UST: variants seen among roughly 807,000 people sequenced by gnomAD.
The protein encoded by UST is uronyl 2-sulfotransferase.
Under a neutral mutation model 45.6 loss-of-function variants are expected in UST, and 21 were observed. That is an observed-to-expected ratio of 0.46 (90% confidence interval 0.33 to 0.66). The LOEUF (loss-of-function observed/expected upper bound fraction) is 0.66. UST is among the 30% of genes least tolerant of loss of function. The pLI is 0.02. For missense variants in UST, 463 were observed against 512.4 expected (o/e 0.90, Z 0.93); for synonymous variants, 215 against 200.6 (o/e 1.07, Z -0.61).
At chr6:148,804,842 T>G (rs1777117114) in intron 1 of UST, among the ~76,000 whole-genome samples, 1 of 149,886 alleles carries the variant, frequency 6.7e-6, no homozygotes, top group African/African-American at 2.4e-5. Flanking sequence ...ATATATATAC[T>G]TCATTTTATG....
At chr6:149,034,165 A>T (rs6931744) in intron 7 of UST, among the ~76,000 whole-genome samples, 96,919 of 152,050 alleles carry the variant, frequency 0.64, 31,208 homozygotes, top group African/African-American at 0.67. Flanking sequence ...GCTGCTGATC[A>T]GAGTAGTACA....
chr6:148,896,839 A>G (rs529588858), intron 2 of UST, among the ~76,000 whole-genome samples: 11 of 152,308 alleles, frequency 7.2e-5, no homozygotes, highest in East Asian at 3.9e-4. Flanking sequence ...ATCAGATCTC[A>G]GTTCAAATCC....
At chr6:148,917,957 A>T (rs1438607159) in intron 2 of UST, among the ~76,000 whole-genome samples, 1 of 152,158 alleles carries the variant, frequency 6.6e-6, no homozygotes, top group African/African-American at 2.4e-5. Context: ...CTCTTGCTTG[A>T]TACTCTATAC....
chr6:148,918,600 T>C (rs1779636025), intron 2 of UST, among the ~76,000 whole-genome samples: 1 of 152,230 alleles, frequency 6.6e-6, no homozygotes, highest in Non-Finnish European at 1.5e-5. Flanking sequence ...ATTCTCATGA[T>C]GATTAAAATA....
chr6:148,922,490 T>C (rs1779729439), intron 2 of UST, among the ~76,000 whole-genome samples: 1 of 127,800 alleles, frequency 7.8e-6, no homozygotes, highest in Admixed American at 7.5e-5. Flanking sequence ...ATCTTTCTTT[T>C]TCTTTTTTTT....
chr6:149,030,746 C>G (rs144043707), intron 7 of UST, among the ~76,000 whole-genome samples: 8 of 151,180 alleles, frequency 5.3e-5, no homozygotes, highest in Middle Eastern at 3.4e-3. Context: ...AACACACACA[C>G]AAGATGTGTT....
At chr6:148,902,564 A>G (rs1331583234) in intron 2 of UST, among the ~76,000 whole-genome samples, 2 of 152,026 alleles carry the variant, frequency 1.3e-5, no homozygotes, top group Non-Finnish European at 2.9e-5. Context: ...TTTTTAATGA[A>G]TTTTGAGTCT....
At chr6:149,068,074 C>A (rs58050239) in intron 7 of UST, among the ~76,000 whole-genome samples, 2,812 of 152,108 alleles carry the variant, frequency 0.018, 86 homozygotes, top group African/African-American at 0.064. Flanking sequence ...AACTATAAAG[C>A]CATTAGCCAT....
intron 2 of UST, among the ~76,000 whole-genome samples, chr6:148,888,607 T>G (rs1433669824): frequency 6.6e-6 from 1 of 152,218 alleles, no homozygotes; most frequent in Admixed American, 6.5e-5. Context: ...AATGAGCTGA[T>G]GTATGATGAA....
At chr6:149,003,448 A>C (rs967138777) in intron 5 of UST, among the ~76,000 whole-genome samples, 5 of 151,878 alleles carry the variant, frequency 3.3e-5, no homozygotes, top group South Asian at 2.1e-4. Flanking sequence ...ACAAAACAAA[A>C]AAAAAAAACA....
intron 7 of UST, among the ~76,000 whole-genome samples, chr6:149,054,647 G>A (rs1014532157): frequency 1.3e-5 from 2 of 152,194 alleles, no homozygotes; most frequent in African/African-American, 4.8e-5. Context: ...AAAGACAAGA[G>A]TGAGGTGAAG....
intron 4 of UST, 108 bp downstream of exon 4, chr6:148,954,059 T>G: frequency 1.3e-6 from 1 of 767,158 alleles, no homozygotes; most frequent in South Asian, 2.5e-5. Context: ...GAAAAGACAT[T>G]TTTAATCCGT....
chr6:148,916,341 G>A (rs1779589939), intron 2 of UST, among the ~76,000 whole-genome samples: 1 of 152,208 alleles, frequency 6.6e-6, no homozygotes, highest in South Asian at 2.1e-4. Context: ...TATTGTAATA[G>A]ATCCACCGTA....
intron 1 of UST, among the ~76,000 whole-genome samples, chr6:148,839,240 G>C (rs892244174): frequency 3.9e-5 from 6 of 152,180 alleles, no homozygotes; most frequent in Non-Finnish European, 7.3e-5. Flanking sequence ...AAACAGGCCA[G>C]TTTTCCTAAA....
intron 5 of UST, among the ~76,000 whole-genome samples, chr6:149,002,158 TAA>T (rs149664522): frequency 0.014 from 2,143 of 149,886 alleles, 54 homozygotes; most frequent in African/African-American, 0.049. Context: ...CTTACAATGT[TAA>T]AAAAAAAATG....
intron 1 of UST, among the ~76,000 whole-genome samples, chr6:148,874,966 C>CCGGGGCGA (rs1260228074): frequency 6.6e-6 from 1 of 152,216 alleles, no homozygotes; most frequent in Non-Finnish European, 1.5e-5. Flanking sequence ...GCCTGGACTC[C>CCGGGGCGA]CGGGGCGACA....
At chr6:148,909,707 GC>G (rs1317164280) in intron 2 of UST, among the ~76,000 whole-genome samples, 9 of 152,294 alleles carry the variant, frequency 5.9e-5, no homozygotes, top group African/African-American at 1.9e-4. Flanking sequence ...TTAGAAAATT[GC>G]CAGCTAGTGC....
chr6:149,064,869 C>T (rs1776709401), intron 7 of UST, among the ~76,000 whole-genome samples: 2 of 148,484 alleles, frequency 1.3e-5, no homozygotes, highest in Admixed American at 1.3e-4. Flanking sequence ...ATAGACCAAG[C>T]CTTACAACAA....
chr6:148,762,906 G>A (rs1481970722), intron 1 of UST, among the ~76,000 whole-genome samples: 1 of 152,168 alleles, frequency 6.6e-6, no homozygotes. Context: ...GTCATCTGTT[G>A]ATGGACAGTT....
Sources: allele counts gnomAD v4.1 joint callset (sites outside exome capture counted in the v4.1 genomes callset), GRCh38; gene constraint gnomAD v4.1.1; transcripts MANE v1.5; gene names NCBI Gene and HGNC (gene_info 2026-07-23, HGNC 2026-07-21).